LRFN5: variants seen among roughly 807,000 people sequenced by gnomAD.
LRFN5 encodes the protein leucine rich repeat and fibronectin type III domain containing 5.
LRFN5 carries 24 observed loss-of-function variants against 45.6 expected under a neutral mutation model. The observed-to-expected ratio is 0.53, with a 90% CI of 0.38 to 0.74. The LOEUF is 0.74. Among genes scored for constraint, LRFN5 ranks in the 30% least tolerant of loss-of-function variants. The pLI is 0.00. For synonymous variants in LRFN5, 340 were observed against 313.8 expected, an observed-to-expected ratio of 1.08 and a Z score of -0.88; for missense variants, 776 against 861.5, an observed-to-expected ratio of 0.90 and a Z score of 1.24.
chr14:41,714,934 G>T (rs1338313092), intron 1 of LRFN5, among the ~76,000 whole-genome samples: 2 of 151,956 alleles, frequency 1.3e-5, no homozygotes, highest in African/African-American at 2.4e-5. Context: ...AAATCATTAC[G>T]ACTTTTTAGA....
In LRFN5 at chr14:41,768,136, C is replaced by T. The variant is rs541279494; in HGVS notation, c.-21+1107C>T. 1.3e-4 allele frequency among the ~76,000 whole-genome samples: 19 copies of T among 151,984 alleles called. No individual in the cohort carries two copies. In the South Asian group the frequency reaches 1.9e-3, roughly 15 times the overall value. On this transcript the variant is annotated intron_variant, in intron 2 of 5. Coordinates refer to ENST00000298119, the MANE Select transcript of LRFN5 (RefSeq NM_152447.5). The stretch of plus-strand genomic sequence containing the variant: ...ACTTAATGAACCCACTTTTATTTTG[C>T]GACATATTACATGTCAATATGCAAT...
intron 1 of LRFN5, among the ~76,000 whole-genome samples, chr14:41,719,794 CTTTGGATA>C (rs1324690053): frequency 6.6e-6 from 1 of 151,296 alleles, no homozygotes; most frequent in African/African-American, 2.4e-5. Flanking sequence ...ATATATTTCC[CTTTGGATA>C]TATACCCAGT....
chr14:41,731,067 G>A (rs1318745900), intron 1 of LRFN5, among the ~76,000 whole-genome samples: 1 of 151,978 alleles, frequency 6.6e-6, no homozygotes, highest in African/African-American at 2.4e-5. Context: ...GATGTTTAAT[G>A]ATGCAATGAT....
chr14:41,655,405 T>TTAGAAAAAAAGCATGTC (rs1272883486), intron 1 of LRFN5, among the ~76,000 whole-genome samples: 1 of 151,782 alleles, frequency 6.6e-6, no homozygotes, highest in Non-Finnish European at 1.5e-5. Context: ...CATACACCCC[T>TTAGAAAAAAAGCATGTC]TAGAAAAAAA....
At chr14:41,810,938 T>TA (rs1887715191) in intron 2 of LRFN5, among the ~76,000 whole-genome samples, 1 of 151,644 alleles carries the variant, frequency 6.6e-6, no homozygotes, top group Admixed American at 6.6e-5. Flanking sequence ...GTGGTTTTTT[T>TA]ATGAAAATAA....
chr14:41,653,872 A>G (rs558675775), intron 1 of LRFN5, among the ~76,000 whole-genome samples: 2 of 152,112 alleles, frequency 1.3e-5, no homozygotes, highest in Non-Finnish European at 2.9e-5. Flanking sequence ...CAGGAGTAAC[A>G]GGTTAATCAG....
intron 1 of LRFN5, among the ~76,000 whole-genome samples, chr14:41,617,598 A>G (rs1195902008): frequency 6.6e-6 from 1 of 152,078 alleles, no homozygotes; most frequent in Non-Finnish European, 1.5e-5. Context: ...CATGTCTTAT[A>G]TCTGTATGTT....
intron 1 of LRFN5, among the ~76,000 whole-genome samples, chr14:41,687,269 A>T (rs1349305970): frequency 6.6e-6 from 1 of 152,242 alleles, no homozygotes; most frequent in South Asian, 2.1e-4. Context: ...GAGAAAGGTA[A>T]ATCAAAACCA....
chr14:41,745,854 A>G (rs553885354), intron 1 of LRFN5, among the ~76,000 whole-genome samples: 27 of 152,160 alleles, frequency 1.8e-4, no homozygotes, highest in African/African-American at 6.5e-4. Context: ...TGTAACTAGT[A>G]AGGAAATTGA....
chr14:41,711,528 A>T (rs1041701199), intron 1 of LRFN5, among the ~76,000 whole-genome samples: 7 of 152,188 alleles, frequency 4.6e-5, no homozygotes, highest in African/African-American at 1.7e-4. Context: ...TGAGAATTCA[A>T]ATCTCCCCAT....
intron 2 of LRFN5, among the ~76,000 whole-genome samples, chr14:41,791,875 C>G (rs1886933962): frequency 6.6e-6 from 1 of 152,056 alleles, no homozygotes; most frequent in East Asian, 1.9e-4. Context: ...GAAGTAATTA[C>G]TGTGGAGTCT....
chr14:41,776,082 C>T (rs1391761824), intron 2 of LRFN5, among the ~76,000 whole-genome samples: 1 of 152,156 alleles, frequency 6.6e-6, no homozygotes, highest in Non-Finnish European at 1.5e-5. Flanking sequence ...ATTGGAATCG[C>T]TTCTTGGATT....
chr14:41,719,054 T>C (rs1207251520), intron 1 of LRFN5, among the ~76,000 whole-genome samples: 1 of 152,098 alleles, frequency 6.6e-6, no homozygotes, highest in Non-Finnish European at 1.5e-5. Flanking sequence ...AAGAAAAATC[T>C]GGGGTAATTC....
intron 2 of LRFN5, among the ~76,000 whole-genome samples, chr14:41,775,380 C>G (rs539801726): frequency 4.0e-4 from 61 of 152,098 alleles, no homozygotes; most frequent in Non-Finnish European, 7.6e-4. Flanking sequence ...AGCCACCGCA[C>G]CCGGCAGTTG....
chr14:41,877,526 T>C (rs1324184588), intron 2 of LRFN5, among the ~76,000 whole-genome samples: 1 of 152,068 alleles, frequency 6.6e-6, no homozygotes, highest in Non-Finnish European at 1.5e-5. Flanking sequence ...AATTATTATT[T>C]TTAAAATTAT....
chr14:41,772,960 C>T (rs1351492971), intron 2 of LRFN5, among the ~76,000 whole-genome samples: 3 of 152,154 alleles, frequency 2.0e-5, no homozygotes, highest in African/African-American at 7.2e-5. Context: ...CCCCAAGAGC[C>T]TCCTAAATTA....
intron 1 of LRFN5, among the ~76,000 whole-genome samples, chr14:41,669,419 A>C (rs1594597712): frequency 6.6e-6 from 1 of 152,120 alleles, no homozygotes; most frequent in South Asian, 2.1e-4. Flanking sequence ...CAAAAAAGAC[A>C]GATATTTAAT....
rs146734852 is a variant in LRFN5 at position 41,650,571 on chromosome 14, T to C, written c.-197+42009T>C. ...ACCTTTCTAAGAAGCAACCTGACAGTATGTATAAAACTTAAATATTAGTAA... is the reference window on the plus strand; with the variant it reads ...ACCTTTCTAAGAAGCAACCTGACAGCATGTATAAAACTTAAATATTAGTAA... On this transcript the variant is annotated intron_variant, in intron 1 of 5. Transcript: ENST00000298119. Among the ~76,000 whole-genome samples the C allele has an allele frequency of 9.3e-3, 1,413 of 152,260 alleles. 6 individuals carry two copies. Among genetic ancestry groups the C allele is most frequent in the East Asian group, 0.02 (103 of 5,174 alleles).
chr14:41,659,427 A>G lies in LRFN5; in HGVS notation c.-197+50865A>G, dbSNP rs148350075. Among the ~76,000 whole-genome samples the G allele has an allele frequency of 3.0e-3, 464 of 152,238 alleles. 2 individuals carry two copies. Among genetic ancestry groups the G allele is most frequent in the African/African-American group, 0.011 (442 of 41,562 alleles). On this transcript the variant is annotated intron_variant, in intron 1 of 5. Coordinates refer to ENST00000298119, the MANE Select transcript of LRFN5 (RefSeq NM_152447.5). ...TAGTATTCCATGGTGTATATGTGCC[A>G]CATCTTCTTTATCCAGTCTATCATT...
Sources: gnomAD v4.1 joint callset for allele counts (sites outside exome capture counted in the v4.1 genomes callset) on GRCh38, gnomAD v4.1.1 for gene constraint, MANE v1.5 for transcripts, NCBI Gene and HGNC (gene_info 2026-07-23, HGNC 2026-07-21) for gene names.